Variants in HDAC9 observed in about 807,000 individuals in gnomAD.
HDAC9 encodes histone deacetylase 9, also known as MEF-2 interacting transcription repressor (MITR) protein.
In HDAC9, 41 loss-of-function variants were observed where a neutral mutation model predicts 139.4. The observed-to-expected ratio is 0.29, with a 90% CI of 0.23 to 0.38. HDAC9 has a LOEUF of 0.38. Ranked by LOEUF, HDAC9 falls within the 10% of genes least tolerant of loss-of-function variation. The pLI is 1.00. For missense variants in HDAC9, 1,147 were observed against 1,297.0 expected (o/e 0.88, Z 1.78); for synonymous variants, 517 against 476.2 (o/e 1.09, Z -1.12).
At chr7:18,855,695 C>T (rs1018739920) in intron 21 of HDAC9, among the ~76,000 whole-genome samples, 3 of 151,714 alleles carry the variant, frequency 2.0e-5, no homozygotes, top group African/African-American at 7.3e-5. Flanking sequence ...TTAATGTTTC[C>T]CTTGCATAGG....
chr7:18,148,868 C>CA (rs1786542433), intron 1 of HDAC9, among the ~76,000 whole-genome samples: 1 of 152,174 alleles, frequency 6.6e-6, no homozygotes, highest in African/African-American at 2.4e-5. Flanking sequence ...ATTCTACCTG[C>CA]AACCTTAATT....
At chr7:18,710,291 A>T (rs1784250384) in intron 12 of HDAC9, among the ~76,000 whole-genome samples, 1 of 152,138 alleles carries the variant, frequency 6.6e-6, no homozygotes, top group Non-Finnish European at 1.5e-5. Flanking sequence ...ACACAGCTAA[A>T]CCATATCAGT....
intron 1 of HDAC9, among the ~76,000 whole-genome samples, chr7:18,412,992 A>G (rs548155026): frequency 6.6e-6 from 1 of 152,324 alleles, no homozygotes; most frequent in East Asian, 1.9e-4. Flanking sequence ...GTTTTAAAAT[A>G]TGTCCATCTT....
chr7:18,862,504 T>C (rs1488387603), intron 21 of HDAC9, among the ~76,000 whole-genome samples: 3 of 152,176 alleles, frequency 2.0e-5, no homozygotes, highest in African/African-American at 7.2e-5. Flanking sequence ...CCCCCTACAA[T>C]TGTACACTGA....
At chr7:18,702,551 C>T (rs775555902) in intron 12 of HDAC9, among the ~76,000 whole-genome samples, 41 of 152,164 alleles carry the variant, frequency 2.7e-4, no homozygotes, top group Non-Finnish European at 4.1e-4. Flanking sequence ...GAATCAAAAA[C>T]ACTTTGGGAC....
At chr7:18,549,754 T>C (rs1432805431) in intron 2 of HDAC9, among the ~76,000 whole-genome samples, 1 of 152,076 alleles carries the variant, frequency 6.6e-6, no homozygotes, top group Non-Finnish European at 1.5e-5. Context: ...GGTTTTTTTT[T>C]TTTGGTAAAG....
At chr7:18,627,885 T>C (rs552826796) in intron 6 of HDAC9, among the ~76,000 whole-genome samples, 3 of 152,292 alleles carry the variant, frequency 2.0e-5, no homozygotes, top group Non-Finnish European at 4.4e-5. Context: ...TTTTTGTATC[T>C]GAACTTCATT....
intron 2 of HDAC9, among the ~76,000 whole-genome samples, chr7:18,214,502 GAT>G (rs1792161566): frequency 6.6e-6 from 1 of 152,024 alleles, no homozygotes; most frequent in African/African-American, 2.4e-5. Context: ...AATTATAACT[GAT>G]GTGCTTTAAA....
In HDAC9 at chr7:18,784,196, A is replaced by G. The variant is rs1057353798; in HGVS notation, c.2215-9149A>G. On this transcript the variant is annotated intron_variant, in intron 16 of 25. Transcript: ENST00000686413. ...ACACTACTTGATTCCAATACATATA[A>G]GACAATTAATCCCTTTAACACCAAG... is the stretch of plus-strand genomic sequence containing the variant. Among the ~76,000 whole-genome samples the G allele has an allele frequency of 2.0e-5, 3 of 151,952 alleles. No individual in the cohort carries two copies. The East Asian group carries it at 5.8e-4, about 29-fold the overall frequency.
chr7:18,976,042 A>G, intron 25 of HDAC9, 89 bp downstream of exon 25: 1 of 1,358,164 alleles, frequency 7.4e-7, no homozygotes, highest in Non-Finnish European at 1.0e-6. Flanking sequence ...GCTTTCCTTC[A>G]CCTGTCTCCT....
chr7:18,656,757 A>T lies in HDAC9; in HGVS notation c.1467+8074A>T, dbSNP rs139358935. Reference sequence around the variant, plus strand: ...TGCTGTGACAAACATAGGAGTGCAGATATCTCTTTGATATACTGATTTCCT... The same window carrying T: ...TGCTGTGACAAACATAGGAGTGCAGTTATCTCTTTGATATACTGATTTCCT... On this transcript the variant is annotated intron_variant, in intron 11 of 25. Coordinates refer to ENST00000686413, the MANE Select transcript of HDAC9 (RefSeq NM_178425.4). 2.6e-5 allele frequency among the ~76,000 whole-genome samples: 4 copies of T among 152,252 alleles called. No homozygotes were observed. The East Asian group carries it at 7.8e-4, about 30-fold the overall frequency.
At chr7:18,911,724 T>A (rs1433406139) in intron 22 of HDAC9, among the ~76,000 whole-genome samples, 3 of 152,040 alleles carry the variant, frequency 2.0e-5, no homozygotes, top group African/African-American at 7.2e-5. Flanking sequence ...AAGAATTTTT[T>A]AAATTTCCTT....
intron 2 of HDAC9, among the ~76,000 whole-genome samples, chr7:18,232,731 C>G (rs754941818): frequency 3.9e-5 from 6 of 152,260 alleles, no homozygotes; most frequent in Admixed American, 6.5e-5. Context: ...TGCATGCCAC[C>G]AGTTCAGGGA....
chr7:18,372,628 C>T (rs921442466), intron 1 of HDAC9, among the ~76,000 whole-genome samples: 3 of 152,154 alleles, frequency 2.0e-5, no homozygotes, highest in African/African-American at 7.2e-5. Context: ...TTATTTTCTG[C>T]AAATTTTTAA....
At chr7:18,482,003 C>G (rs923243267) in intron 1 of HDAC9, among the ~76,000 whole-genome samples, 1 of 152,144 alleles carries the variant, frequency 6.6e-6, no homozygotes, top group Non-Finnish European at 1.5e-5. Context: ...TCACTACCAG[C>G]ATTTTCAAAG....
chr7:18,429,840 T>C (rs923235447), intron 1 of HDAC9, among the ~76,000 whole-genome samples: 8 of 152,186 alleles, frequency 5.3e-5, no homozygotes, highest in Admixed American at 2.6e-4. Context: ...TGGACTGAAT[T>C]CTTCTTTAAA....
intron 23 of HDAC9, among the ~76,000 whole-genome samples, chr7:18,950,075 A>T (rs1039718064): frequency 4.6e-5 from 7 of 152,078 alleles, no homozygotes; most frequent in African/African-American, 1.7e-4. Context: ...TTAGAGGTCT[A>T]GGTATTGAGA....
intron 6 of HDAC9, among the ~76,000 whole-genome samples, chr7:18,612,020 C>T (rs953401305): frequency 1.3e-5 from 2 of 152,074 alleles, no homozygotes; most frequent in Non-Finnish European, 2.9e-5. Context: ...AACTAATTTG[C>T]TGATTATTGA....
chr7:18,382,388 C>T (rs891435534), intron 1 of HDAC9, among the ~76,000 whole-genome samples: 3 of 152,082 alleles, frequency 2.0e-5, no homozygotes, highest in Non-Finnish European at 2.9e-5. Flanking sequence ...GGAAGAAAAC[C>T]TTTGAGATAT....
Sources: gnomAD v4.1 joint callset for allele counts (sites outside exome capture counted in the v4.1 genomes callset) on GRCh38, gnomAD v4.1.1 for gene constraint, MANE v1.5 for transcripts, NCBI Gene and HGNC (gene_info 2026-07-23, HGNC 2026-07-21) for gene names.